The following ADRA1A variants were observed in gnomAD, a reference collection of about 807,000 sequenced individuals.
ADRA1A encodes the protein alpha-1A adrenergic receptor.
ADRA1A carries 31 observed loss-of-function variants against 29.6 expected under a neutral mutation model. That is an observed-to-expected ratio of 1.05 (90% CI 0.79 to 1.41). The LOEUF is 1.41. ADRA1A is among the 40% of genes most tolerant of loss of function. The pLI is 0.00. For missense variants in ADRA1A, 619 were observed against 601.1 expected, an observed-to-expected ratio of 1.03 and a Z score of -0.31; for synonymous variants, 311 against 254.3, an observed-to-expected ratio of 1.22 and a Z score of -2.12.
At chr8:26,829,193 A>G (rs1810800288) in intron 2 of ADRA1A, among the ~76,000 whole-genome samples, 1 of 152,142 alleles carries the variant, frequency 6.6e-6, no homozygotes, top group South Asian at 2.1e-4. Context: ...AGACTCACCT[A>G]ATGCCAAAGC....
intron 2 of ADRA1A, among the ~76,000 whole-genome samples, chr8:26,790,484 T>C (rs1807739866): frequency 6.6e-6 from 1 of 151,956 alleles, no homozygotes; most frequent in Non-Finnish European, 1.5e-5. Flanking sequence ...TAGGGAGAGA[T>C]TGGGTAAAGG....
At chr8:26,802,825 G>T (rs1808685651) in intron 2 of ADRA1A, among the ~76,000 whole-genome samples, 1 of 152,150 alleles carries the variant, frequency 6.6e-6, no homozygotes, top group Non-Finnish European at 1.5e-5. Flanking sequence ...AGCAATCTAA[G>T]TATCCATCAA....
chr8:26,801,883 C>A (rs1326363063), intron 2 of ADRA1A, among the ~76,000 whole-genome samples: 1 of 152,108 alleles, frequency 6.6e-6, no homozygotes, highest in African/African-American at 2.4e-5. Context: ...ATGGTACCGG[C>A]ATAAAAACAG....
downstream of ADRA1A, chr8:26,768,683 G>C (rs1007463491): frequency 1.9e-5 from 3 of 158,340 alleles, no homozygotes; most frequent in Non-Finnish European, 4.1e-5. Context: ...TGAATTTTGT[G>C]TTTAGACTTG....
At position 26,841,717 on chromosome 8, in the gene ADRA1A, G is replaced by C. The variant is rs1410823808; in HGVS notation, c.883+22370C>G. 6.6e-6 allele frequency among the ~76,000 whole-genome samples: 1 copy of C among 152,174 alleles called. No individual in the cohort carries two copies. Among genetic ancestry groups the C allele is most frequent in the Non-Finnish European group, 1.5e-5 (1 of 68,018 alleles). On this transcript the variant is annotated intron_variant, in intron 2 of 2. Transcript: ENST00000380573. The surrounding 1 kb of genome is among the most constrained non-coding windows in gnomAD (Gnocchi z 4.4). Reference sequence around the variant, plus strand: ...TACCCTAGCACAAGAGAAAGCTGGTGGCATTCCTATTTAGTGACATCTCTT... The same window carrying C: ...TACCCTAGCACAAGAGAAAGCTGGTCGCATTCCTATTTAGTGACATCTCTT...
At chr8:26,795,062 A>G (rs1377135021) in intron 2 of ADRA1A, among the ~76,000 whole-genome samples, 1 of 152,128 alleles carries the variant, frequency 6.6e-6, no homozygotes, top group Non-Finnish European at 1.5e-5. Flanking sequence ...TGATCAGGGC[A>G]GTTGCAATGA....
rs766671226 is a variant in ADRA1A at position 26,770,163 on chromosome 8, C to T, written c.1387G>A (p.Gly463Arg). ...TCTTTCCTGTCCTAGACTTCCTCCCCGTTCTCACTGAGGGAGATGGTGTGG... is the reference window on the plus strand; with the variant it reads ...TCTTTCCTGTCCTAGACTTCCTCCCTGTTCTCACTGAGGGAGATGGTGTGG... ...KVHTISLSEN[G>R]EEV is the part of the protein sequence containing the mutation. Residue 463 changes from glycine (G) to arginine (R), a missense_variant, in exon 3 of 3, where the codon GGG (glycine) becomes AGG (arginine). By Grantham distance (125) the Gly-to-Arg change is moderately radical. Coordinates refer to ENST00000380573, the MANE Select transcript of ADRA1A (RefSeq NM_000680.4). The T allele has an allele frequency of 2.4e-5, 38 of 1,554,208 alleles. No individual in the cohort carries two copies. The highest frequency in any genetic ancestry group is 4.5e-5 in the East Asian group (2 of 44,352).
Position 26,806,316 on chromosome 8 carries a change from C to G in ADRA1A, c.884-35650G>C, listed in dbSNP as rs1172441977. Among the ~76,000 whole-genome samples the G allele has an allele frequency of 7.1e-6, 1 of 140,522 alleles. No homozygotes were observed. Among genetic ancestry groups the G allele is most frequent in the African/African-American group, 2.7e-5 (1 of 37,628 alleles). 92.2% of individuals were successfully genotyped at this position (140,522 alleles called of 152,430 possible). ...ACACCAAAGATTTTTTTTTTTTTTTCGAAAGCTGCCTTCTGTTTTGCTCTT... is the reference window on the plus strand; with the variant it reads ...ACACCAAAGATTTTTTTTTTTTTTTGGAAAGCTGCCTTCTGTTTTGCTCTT... On this transcript the variant is annotated intron_variant, in intron 2 of 2. Transcript: ENST00000380573. This position sits in a 1 kb window ranked among gnomAD's most constrained non-coding sequence, Gnocchi z 4.6.
downstream of ADRA1A, among the ~76,000 whole-genome samples, chr8:26,767,303 TA>T (rs1322999242): frequency 3.3e-5 from 5 of 152,130 alleles, no homozygotes; most frequent in Non-Finnish European, 5.9e-5. Flanking sequence ...AACATGTGAG[TA>T]TAAATATGAC....
In ADRA1A at chr8:26,768,811, T is replaced by C. The variant is rs1805934237; in HGVS notation, c.*1338A>G. ...TCAGAAAAGAGATACACAAGTTCTG[T>C]ACTGAGTTATTATGGTTTACCAAAA... On this transcript the variant is annotated 3_prime_UTR_variant, in exon 3 of 3. Coordinates refer to ENST00000380573, the MANE Select transcript of ADRA1A (RefSeq NM_000680.4). The C allele has an allele frequency of 1.4e-6, 1 of 731,682 alleles. No homozygotes were observed. Among genetic ancestry groups the C allele is most frequent in the Non-Finnish European group, 1.7e-6 (1 of 598,930 alleles). The allele number at this position is 731,682 out of a possible 1,614,324, so 45.3% of individuals were successfully genotyped here.
At chr8:26,856,970 G>A (rs1813095019) in intron 2 of ADRA1A, among the ~76,000 whole-genome samples, 1 of 152,206 alleles carries the variant, frequency 6.6e-6, no homozygotes, top group African/African-American at 2.4e-5. Flanking sequence ...TGATCTGCAA[G>A]AGGACTACAA....
downstream of ADRA1A, among the ~76,000 whole-genome samples, chr8:26,763,663 C>A (rs1805628814): frequency 6.6e-6 from 1 of 152,174 alleles, no homozygotes; most frequent in Non-Finnish European, 1.5e-5. This position sits in a 1 kb window ranked among gnomAD's most constrained non-coding sequence, Gnocchi z 4.5. Flanking sequence ...ACACCGAAAC[C>A]TATTGTTTAG....
intron 2 of ADRA1A, among the ~76,000 whole-genome samples, chr8:26,807,673 T>C (rs1053527912): frequency 6.6e-6 from 1 of 152,100 alleles, no homozygotes; most frequent in African/African-American, 2.4e-5. Context: ...ATGGAAAACA[T>C]TGGGAAGGGT....
chr8:26,839,832 C>T (rs1441083391), intron 2 of ADRA1A, among the ~76,000 whole-genome samples: 1 of 152,020 alleles, frequency 6.6e-6, no homozygotes, highest in Non-Finnish European at 1.5e-5. Context: ...AAGGCACAAA[C>T]TATGTGATTC....
Position 26,865,309 on chromosome 8 carries a change from A to G in ADRA1A, c.-340T>C, listed in dbSNP as rs1563323598. The G allele has an allele frequency of 3.5e-6, 4 of 1,140,064 alleles. No individual in the cohort carries two copies. Among genetic ancestry groups the G allele is most frequent in the Non-Finnish European group, 4.3e-6 (4 of 927,742 alleles). 70.6% of individuals were successfully genotyped at this position (1,140,064 alleles called of 1,614,324 possible). A position where few individuals can be genotyped will look rare whatever the true frequency, so the allele number is the denominator to read the frequency against. On this transcript the variant is annotated 5_prime_UTR_variant, in exon 2 of 3. Coordinates refer to ENST00000380573, the MANE Select transcript of ADRA1A (RefSeq NM_000680.4). This position sits in a 1 kb window ranked among gnomAD's most constrained non-coding sequence, Gnocchi z 7.6. ...GCGAAGATCCAGGAGACTCCTTGCAACATGCAATTCCAGAATTACGAGAAT... is the reference window on the plus strand; with the variant it reads ...GCGAAGATCCAGGAGACTCCTTGCAGCATGCAATTCCAGAATTACGAGAAT...
At position 26,865,716 on chromosome 8, in the gene ADRA1A, C is replaced by G; in HGVS notation, c.-686-61G>C. ...AGGCGCCCCAGGGAAAGAGGCTGTGCTGAGCTTGACGGGTTGGGGGACACC... is the reference window on the plus strand; with the variant it reads ...AGGCGCCCCAGGGAAAGAGGCTGTGGTGAGCTTGACGGGTTGGGGGACACC... On this transcript the variant is annotated intron_variant, in intron 1 of 2. Transcript: ENST00000380573. The surrounding 1 kb of genome is among the most constrained non-coding windows in gnomAD (Gnocchi z 7.6). 1.0e-6 allele frequency: 1 copy of G among 985,634 alleles called. No individual in the cohort carries two copies. The highest frequency in any genetic ancestry group is 1.2e-6 in the Non-Finnish European group (1 of 830,160). 61.1% of individuals were successfully genotyped at this position (985,634 alleles called of 1,614,324 possible).
At chr8:26,794,685 C>CAT (rs1179916316) in intron 2 of ADRA1A, among the ~76,000 whole-genome samples, 7 of 151,660 alleles carry the variant, frequency 4.6e-5, no homozygotes, top group African/African-American at 1.7e-4. Flanking sequence ...TTCATGTGGC[C>CAT]ATACCAAAAA....
Position 26,769,397 on chromosome 8 carries a change from T to C in ADRA1A, c.*752A>G. 1 of 985,456 alleles carries C rather than the reference T, an allele frequency of 1.0e-6. No homozygotes were observed. Among genetic ancestry groups the C allele is most frequent in the Non-Finnish European group, 1.2e-6 (1 of 829,936 alleles). 61.0% of individuals were successfully genotyped at this position (985,456 alleles called of 1,614,324 possible). A position where few individuals can be genotyped will look rare whatever the true frequency, so the allele number is the denominator to read the frequency against. On this transcript the variant is annotated 3_prime_UTR_variant, in exon 3 of 3. Transcript: ENST00000380573. ...TCTAGTAGTTAAATTGAAAGAATGA[T>C]GCTCAGGTCTATTGTTTTCTCTTGG...
intron 2 of ADRA1A, among the ~76,000 whole-genome samples, chr8:26,813,796 G>A (rs774274310): frequency 6.6e-6 from 1 of 151,984 alleles, no homozygotes; most frequent in African/African-American, 2.4e-5. Flanking sequence ...TGGGAAAATA[G>A]GATATTAAAA....
Sources: allele counts gnomAD v4.1 joint callset (sites outside exome capture counted in the v4.1 genomes callset), GRCh38; gene constraint gnomAD v4.1.1; non-coding constraint Gnocchi (gnomAD v3.1); transcripts MANE v1.5; gene names NCBI Gene and HGNC (gene_info 2026-07-23, HGNC 2026-07-21).